WWOX: variants seen among roughly 807,000 people sequenced by gnomAD.
WWOX encodes the protein WW domain-containing oxidoreductase.
In WWOX, 69 loss-of-function variants were observed where a neutral mutation model predicts 46.2. That is an observed-to-expected ratio of 1.49 (90% CI 1.23 to 1.82). The LOEUF is 1.82. Ranked by LOEUF, WWOX falls within the 40% of genes most tolerant of loss-of-function variation. WWOX has a pLI of 0.00. For missense variants in WWOX, 919 were observed against 542.6 expected (o/e 1.69, Z -6.89); for synonymous variants, 359 against 202.6 (o/e 1.77, Z -6.56).
At chr16:78,151,552 A>G (rs1416572591) in intron 4 of WWOX, among the ~76,000 whole-genome samples, 2 of 152,210 alleles carry the variant, frequency 1.3e-5, no homozygotes, top group African/African-American at 4.8e-5. Flanking sequence ...TGGACATTAC[A>G]GCATCCTTTG....
At chr16:78,816,770 C>G (rs372901519) in intron 8 of WWOX, among the ~76,000 whole-genome samples, 1 of 151,930 alleles carries the variant, frequency 6.6e-6, no homozygotes, top group South Asian at 2.1e-4. Flanking sequence ...TTTTGTGGCT[C>G]AGTTTTTTTT....
chr16:78,188,400 A>G (rs537931151), intron 5 of WWOX, among the ~76,000 whole-genome samples: 1 of 151,858 alleles, frequency 6.6e-6, no homozygotes, highest in East Asian at 1.9e-4. Context: ...AGGCAGGACA[A>G]TGGCGTGAAC....
intron 8 of WWOX, among the ~76,000 whole-genome samples, chr16:78,787,824 C>T (rs2050494435): frequency 6.6e-6 from 1 of 152,142 alleles, no homozygotes; most frequent in Admixed American, 6.5e-5. Flanking sequence ...TCCTTGCCAA[C>T]ACTTTATTTT....
At chr16:78,215,548 C>T (rs974096823) in intron 5 of WWOX, among the ~76,000 whole-genome samples, 13 of 152,198 alleles carry the variant, frequency 8.5e-5, no homozygotes, top group African/African-American at 3.1e-4. Flanking sequence ...TGAGGCCTCC[C>T]TAGCCATGCG....
chr16:78,522,067 G>A (rs1042729644), intron 8 of WWOX, among the ~76,000 whole-genome samples: 5 of 150,876 alleles, frequency 3.3e-5, no homozygotes, highest in African/African-American at 9.8e-5. Context: ...GCAAACCCAC[G>A]TCTGTCTACA....
chr16:78,104,905 G>T (rs1316290555), intron 1 of WWOX, among the ~76,000 whole-genome samples: 2 of 152,216 alleles, frequency 1.3e-5, no homozygotes, highest in African/African-American at 4.8e-5. Context: ...GGAAACTGAG[G>T]CATGGGATTA....
At chr16:79,012,835 A>G (rs890813381) in intron 8 of WWOX, among the ~76,000 whole-genome samples, 2 of 152,114 alleles carry the variant, frequency 1.3e-5, no homozygotes, top group East Asian at 1.9e-4. Flanking sequence ...CCCCACCAAC[A>G]TGGCCCGTGG....
chr16:78,580,940 G>T (rs1018622672), intron 8 of WWOX, among the ~76,000 whole-genome samples: 2 of 152,176 alleles, frequency 1.3e-5, no homozygotes, highest in East Asian at 1.9e-4. Context: ...CCAGCTAAAG[G>T]ATATCTGTGA....
At chr16:78,995,495 A>T (rs1193038280) in intron 8 of WWOX, among the ~76,000 whole-genome samples, 1 of 152,148 alleles carries the variant, frequency 6.6e-6, no homozygotes, top group African/African-American at 2.4e-5. Flanking sequence ...TTTGTAAATT[A>T]TGGAACCCAA....
chr16:78,956,085 C>T (rs774933208), intron 8 of WWOX, among the ~76,000 whole-genome samples: 8 of 152,102 alleles, frequency 5.3e-5, no homozygotes, highest in African/African-American at 1.7e-4. Flanking sequence ...CGTATACCTC[C>T]GGCAGAGCCC....
At chr16:79,011,495 A>G (rs1342301863) in intron 8 of WWOX, among the ~76,000 whole-genome samples, 1 of 140,750 alleles carries the variant, frequency 7.1e-6, no homozygotes, top group Non-Finnish European at 1.5e-5. Context: ...TTATTTATTT[A>G]TTTATTTATT....
At chr16:78,099,937 A>G (rs1159981389) in intron 1 of WWOX, 52 bp downstream of exon 1, 2 of 1,538,616 alleles carry the variant, frequency 1.3e-6, no homozygotes, top group Non-Finnish European at 1.8e-6. Flanking sequence ...TGCACAGCCC[A>G]CGGACGCCAC....
chr16:78,682,827 T>C (rs1349409917), intron 8 of WWOX, among the ~76,000 whole-genome samples: 1 of 152,226 alleles, frequency 6.6e-6, no homozygotes, highest in African/African-American at 2.4e-5. Context: ...CAAAGGATAA[T>C]GCCTTAATGC....
At chr16:78,248,409 C>T (rs1188416526) in intron 5 of WWOX, among the ~76,000 whole-genome samples, 2 of 152,188 alleles carry the variant, frequency 1.3e-5, no homozygotes, top group Admixed American at 6.5e-5. Flanking sequence ...TAATCACCTT[C>T]CACCAGGCCC....
chr16:78,314,720 TTC>T (rs1567494636), intron 5 of WWOX, among the ~76,000 whole-genome samples: 10 of 130,906 alleles, frequency 7.6e-5, no homozygotes, highest in African/African-American at 2.0e-4. Flanking sequence ...TTTTTTTTTT[TTC>T]TGTATTTTCA....
At position 78,997,054 on chromosome 16, in the gene WWOX, C is replaced by T. The variant is rs540652026; in HGVS notation, c.1057-214554C>T. Among the ~76,000 whole-genome samples the T allele has an allele frequency of 5.3e-5, 8 of 152,250 alleles. No individual in the cohort carries two copies. The East Asian group carries it at 7.7e-4, about 15-fold the overall frequency. Reference sequence around the variant, plus strand: ...GATAGTTGATAGTGCTGCCACAGAGCGGCTGTCAGATTCCAAAGGCATCAT... The same window carrying T: ...GATAGTTGATAGTGCTGCCACAGAGTGGCTGTCAGATTCCAAAGGCATCAT... On this transcript the variant is annotated intron_variant, in intron 8 of 8. Coordinates refer to ENST00000566780, the MANE Select transcript of WWOX (RefSeq NM_016373.4).
intron 1 of WWOX, among the ~76,000 whole-genome samples, chr16:78,101,963 G>T (rs1179881431): frequency 6.6e-6 from 1 of 152,026 alleles, no homozygotes; most frequent in Admixed American, 6.6e-5. Flanking sequence ...TAGGTAGTTG[G>T]GGGGGTCGTG....
chr16:78,113,122 G>A (rs1437054835), intron 3 of WWOX, among the ~76,000 whole-genome samples: 1 of 152,190 alleles, frequency 6.6e-6, no homozygotes, highest in Non-Finnish European at 1.5e-5. Context: ...AAGAGCAGCA[G>A]TTCTCAGGCA....
At chr16:79,074,218 C>G (rs540453613) in intron 8 of WWOX, among the ~76,000 whole-genome samples, 2 of 150,762 alleles carry the variant, frequency 1.3e-5, no homozygotes, top group African/African-American at 2.4e-5. Flanking sequence ...GTGGAAGGAA[C>G]CTGGATTTCT....
Sources: allele counts gnomAD v4.1 joint callset (sites outside exome capture counted in the v4.1 genomes callset), GRCh38; gene constraint gnomAD v4.1.1; transcripts MANE v1.5; gene names NCBI Gene and HGNC (gene_info 2026-07-23, HGNC 2026-07-21).